Variants in THSD4 observed in about 807,000 individuals in gnomAD.
THSD4 encodes the protein thrombospondin type-1 domain-containing protein 4.
THSD4 carries 69 observed loss-of-function variants against 119.0 expected under a neutral mutation model. That is an observed-to-expected ratio of 0.58 (90% CI 0.48 to 0.71). The LOEUF (loss-of-function observed/expected upper bound fraction) is 0.71, where lower values mean the gene tolerates loss of function less well. Among genes scored for constraint, THSD4 ranks in the 30% least tolerant of loss-of-function variants. THSD4 has a pLI of 0.00. For synonymous variants in THSD4, 524 were observed against 540.4 expected (o/e 0.97, Z 0.42); for missense variants, 1,393 against 1,391.1 (o/e 1.00, Z -0.02).
At chr15:71,545,880 C>T (rs951837685) in intron 7 of THSD4, among the ~76,000 whole-genome samples, 6 of 152,122 alleles carry the variant, frequency 3.9e-5, no homozygotes, top group East Asian at 1.9e-4. Flanking sequence ...TGATAATAAA[C>T]TTTCTGAGAT....
chr15:71,436,655 A>G (rs1189929707), intron 7 of THSD4, among the ~76,000 whole-genome samples: 1 of 152,218 alleles, frequency 6.6e-6, no homozygotes, highest in Non-Finnish European at 1.5e-5. Flanking sequence ...AGGTTTGTGA[A>G]TATCAACAAA....
rs536601057 is a variant in THSD4, at chr15:71,756,268, A to G, written c.2416-1634A>G. Among the ~76,000 whole-genome samples the G allele has an allele frequency of 1.9e-4, 29 of 152,238 alleles. 1 individual carries two copies. Among genetic ancestry groups the G allele is most frequent in the Non-Finnish European group, 4.0e-4 (27 of 68,036 alleles). On this transcript the variant is annotated intron_variant, in intron 14 of 17. Transcript: ENST00000261862. The stretch of plus-strand genomic sequence containing the variant: ...TGGGAACCATGGATGGAAAGGGGCA[A>G]GACAGGTTAGAGAAATGTGGCAGAA...
intron 8 of THSD4, among the ~76,000 whole-genome samples, chr15:71,713,936 C>T (rs950357765): frequency 6.6e-6 from 1 of 152,168 alleles, no homozygotes; most frequent in Non-Finnish European, 1.5e-5. Flanking sequence ...GTTGCCCCCA[C>T]ACCTACTATC....
At chr15:71,399,576 G>C (rs533995347) in intron 6 of THSD4, among the ~76,000 whole-genome samples, 3 of 152,296 alleles carry the variant, frequency 2.0e-5, no homozygotes, top group African/African-American at 7.2e-5. Flanking sequence ...CAATTTTTAT[G>C]TTAGCTATGG....
chr15:71,420,621 C>T (rs1225704754), intron 7 of THSD4, among the ~76,000 whole-genome samples: 1 of 106,304 alleles, frequency 9.4e-6, no homozygotes, highest in Non-Finnish European at 2.1e-5. Context: ...TTGAGTTTTG[C>T]TTTTTGTATA....
At chr15:71,114,367 T>C (rs1475193033), upstream of THSD4, among the ~76,000 whole-genome samples, 2 of 152,176 alleles carry the variant, frequency 1.3e-5, no homozygotes, top group Admixed American at 1.3e-4. Flanking sequence ...TCGGTATACC[T>C]GCACTTTCAA....
At chr15:71,443,133 A>G (rs1465238352) in intron 7 of THSD4, among the ~76,000 whole-genome samples, 1 of 152,188 alleles carries the variant, frequency 6.6e-6, no homozygotes, top group Non-Finnish European at 1.5e-5. Context: ...ATCTAGGTGA[A>G]GGGTACATGA....
At chr15:71,681,801 G>A (rs1595859209) in intron 8 of THSD4, among the ~76,000 whole-genome samples, 1 of 152,180 alleles carries the variant, frequency 6.6e-6, no homozygotes, top group African/African-American at 2.4e-5. Context: ...TCATTGGCTT[G>A]AGGTGGTACC....
At chr15:71,611,374 G>A (rs935627579) in intron 7 of THSD4, among the ~76,000 whole-genome samples, 1 of 152,148 alleles carries the variant, frequency 6.6e-6, no homozygotes, top group Non-Finnish European at 1.5e-5. Flanking sequence ...TGAAGGGTGG[G>A]ACCAGGCCAG....
intron 16 of THSD4, among the ~76,000 whole-genome samples, chr15:71,768,560 A>ATTTTTTTTTTTTTTTTTTTTTTTTTTT: frequency 1.0e-5 from 1 of 99,280 alleles, no homozygotes; most frequent in Non-Finnish European, 1.9e-5. Context: ...GCAGATCCTG[A>ATTTTTTTTTTTTTTTTTTTTTTTTTTT]TTTTTTTTTT....
intron 14 of THSD4, among the ~76,000 whole-genome samples, chr15:71,755,540 G>A (rs1483517569): frequency 2.6e-5 from 4 of 152,056 alleles, no homozygotes; most frequent in South Asian, 2.1e-4. Flanking sequence ...AAAGGGCCAC[G>A]TCTAGGATTA....
chr15:71,345,012 G>A (rs1442701731), intron 6 of THSD4, among the ~76,000 whole-genome samples: 1 of 152,010 alleles, frequency 6.6e-6, no homozygotes, highest in Admixed American at 6.5e-5. Flanking sequence ...GGGTTAGAGG[G>A]GGCGAAAGAG....
intron 1 of THSD4, among the ~76,000 whole-genome samples, chr15:71,135,334 G>T (rs1265068092): frequency 7.0e-6 from 1 of 143,730 alleles, no homozygotes; most frequent in Non-Finnish European, 1.5e-5. Flanking sequence ...TGCACAATGT[G>T]CACATGTACC....
At chr15:71,660,808 G>T (rs2051291215) in intron 8 of THSD4, 74 bp downstream of exon 8, 2 of 1,550,152 alleles carry the variant, frequency 1.3e-6, no homozygotes, top group Middle Eastern at 1.9e-4. Context: ...CTGTGAGATA[G>T]ACACAGCAGT....
chr15:71,665,144 T>C (rs1485252989), intron 8 of THSD4, among the ~76,000 whole-genome samples: 2 of 152,242 alleles, frequency 1.3e-5, no homozygotes, highest in African/African-American at 2.4e-5. Flanking sequence ...CTCCATAACC[T>C]CGCCAGCATC....
intron 6 of THSD4, among the ~76,000 whole-genome samples, chr15:71,352,356 G>A (rs568259933): frequency 8.8e-4 from 134 of 152,284 alleles, no homozygotes; most frequent in Admixed American, 1.4e-3. Flanking sequence ...AAGCCCTGAC[G>A]GTTGCCAGCC....
At chr15:71,550,848 A>G (rs1264597144) in intron 7 of THSD4, among the ~76,000 whole-genome samples, 1 of 152,228 alleles carries the variant, frequency 6.6e-6, no homozygotes, top group Non-Finnish European at 1.5e-5. Flanking sequence ...GGAATTAGGT[A>G]GTGGTGATGG....
chr15:71,667,175 A>G lies in THSD4; in HGVS notation c.1357+6441A>G, dbSNP rs531801174. The stretch of plus-strand genomic sequence containing the variant: ...AGAGTCCTAAATTTTTTTAAATGGG[A>G]AAGACTTTAGAACTCCTGTATCTAT... On this transcript the variant is annotated intron_variant, in intron 8 of 17. Transcript: ENST00000261862. Among the ~76,000 whole-genome samples the G allele has an allele frequency of 6.6e-5, 10 of 152,308 alleles. No homozygotes were observed. The South Asian group carries it at 2.1e-3, about 32-fold the overall frequency.
At chr15:71,746,412 T>C (rs2053338384) in intron 12 of THSD4, among the ~76,000 whole-genome samples, 1 of 152,176 alleles carries the variant, frequency 6.6e-6, no homozygotes, top group Non-Finnish European at 1.5e-5. Context: ...TTTCTTTTTT[T>C]GAGACAGGGT....
Sources: gnomAD v4.1 joint callset for allele counts (sites outside exome capture counted in the v4.1 genomes callset) on GRCh38, gnomAD v4.1.1 for gene constraint, MANE v1.5 for transcripts, NCBI Gene and HGNC (gene_info 2026-07-23, HGNC 2026-07-21) for gene names.